The following GNA12 variants were observed in gnomAD, a reference collection of about 807,000 sequenced individuals.
GNA12 encodes G protein subunit alpha 12.
Under a neutral mutation model 26.0 loss-of-function variants are expected in GNA12, and 9 were observed. The ratio of observed to expected loss-of-function variants is 0.35; its 90% CI spans 0.21 to 0.60. GNA12 has a LOEUF of 0.60. GNA12 is among the 20% of genes least tolerant of loss of function. The pLI, the probability that GNA12 is intolerant of heterozygous loss-of-function variation, is 0.78. For synonymous variants in GNA12, 264 were observed against 219.6 expected, an observed-to-expected ratio of 1.20 and a Z score of -1.79; for missense variants, 405 against 525.8, an observed-to-expected ratio of 0.77 and a Z score of 2.25.
intron 1 of GNA12, among the ~76,000 whole-genome samples, chr7:2,832,233 C>T (rs1472699432): frequency 6.6e-6 from 1 of 152,224 alleles, no homozygotes; most frequent in African/African-American, 2.4e-5. Flanking sequence ...TGTTCCGGCT[C>T]ATGCCCTGTC....
chr7:2,798,617 A>G (rs1489775703), intron 1 of GNA12, among the ~76,000 whole-genome samples: 1 of 152,288 alleles, frequency 6.6e-6, no homozygotes, highest in African/African-American at 2.4e-5. Flanking sequence ...CACAATTTCC[A>G]TAAAATCCCA....
chr7:2,786,482 C>A (rs545660943), intron 2 of GNA12, among the ~76,000 whole-genome samples: 18 of 152,156 alleles, frequency 1.2e-4, no homozygotes, highest in Non-Finnish European at 2.5e-4. Context: ...TGAAAAGAAC[C>A]AATGATTATG....
chr7:2,766,670 G>C (rs914496871), intron 2 of GNA12, among the ~76,000 whole-genome samples: 1 of 152,168 alleles, frequency 6.6e-6, no homozygotes, highest in African/African-American at 2.4e-5. Flanking sequence ...ACAGGTGTGA[G>C]CCACCGCACC....
intron 2 of GNA12, among the ~76,000 whole-genome samples, chr7:2,788,839 G>T (rs1436673913): frequency 1.3e-5 from 2 of 152,012 alleles, no homozygotes; most frequent in African/African-American, 4.8e-5. Context: ...TTCTGACAGG[G>T]TCTTGTTGCA....
chr7:2,749,403 T>C (rs1318398440), intron 2 of GNA12, among the ~76,000 whole-genome samples: 1 of 151,524 alleles, frequency 6.6e-6, no homozygotes, highest in Non-Finnish European at 1.5e-5. Flanking sequence ...CAGCAAACTA[T>C]TGCAAGGACA....
intron 2 of GNA12, among the ~76,000 whole-genome samples, chr7:2,755,789 T>C (rs1791265203): frequency 6.6e-6 from 1 of 152,252 alleles, no homozygotes; most frequent in Non-Finnish European, 1.5e-5. Flanking sequence ...AAAATTTCTT[T>C]ACTGAAAACT....
At chr7:2,774,497 G>A (rs543999727) in intron 2 of GNA12, among the ~76,000 whole-genome samples, 5 of 152,322 alleles carry the variant, frequency 3.3e-5, no homozygotes, top group African/African-American at 1.2e-4. Flanking sequence ...GGGAGGCCCT[G>A]AGTGTGCAGG....
intron 1 of GNA12, among the ~76,000 whole-genome samples, chr7:2,795,553 A>G (rs1792643170): frequency 6.6e-6 from 1 of 151,514 alleles, no homozygotes; most frequent in South Asian, 2.1e-4. Context: ...GCTTGAGCCC[A>G]GGAGGTCAAG....
At chr7:2,785,801 C>T (rs1305199900) in intron 2 of GNA12, among the ~76,000 whole-genome samples, 1 of 152,158 alleles carries the variant, frequency 6.6e-6, no homozygotes, top group Admixed American at 6.5e-5. Context: ...AATCCCAGCA[C>T]TTTGGGAGAC....
At chr7:2,759,274 C>T (rs1275249070) in intron 2 of GNA12, among the ~76,000 whole-genome samples, 3 of 152,136 alleles carry the variant, frequency 2.0e-5, no homozygotes, top group African/African-American at 7.2e-5. Flanking sequence ...TCCTTATTTA[C>T]ATGAAGTTAA....
intron 2 of GNA12, among the ~76,000 whole-genome samples, chr7:2,738,400 T>G (rs1050798776): frequency 6.6e-6 from 1 of 152,134 alleles, no homozygotes; most frequent in Admixed American, 6.5e-5. Flanking sequence ...AACTGTGATC[T>G]CCACGCAGTC....
At chr7:2,805,797 T>G (rs1297584691) in intron 1 of GNA12, among the ~76,000 whole-genome samples, 1 of 152,236 alleles carries the variant, frequency 6.6e-6, no homozygotes, top group Non-Finnish European at 1.5e-5. Flanking sequence ...TTGAGTCTAA[T>G]ATCTCCAGAC....
chr7:2,762,007 C>T (rs1265390491), intron 2 of GNA12, among the ~76,000 whole-genome samples: 1 of 152,252 alleles, frequency 6.6e-6, no homozygotes, highest in Non-Finnish European at 1.5e-5. Context: ...GGCCTCCCAG[C>T]ACTCACACAG....
chr7:2,832,928 A>G (rs747321218), intron 1 of GNA12, among the ~76,000 whole-genome samples: 19 of 152,206 alleles, frequency 1.2e-4, no homozygotes, highest in Non-Finnish European at 2.1e-4. Flanking sequence ...GCATTTGGTC[A>G]ACAGAATCAA....
intron 2 of GNA12, among the ~76,000 whole-genome samples, chr7:2,765,624 TTTC>T (rs1309454208): frequency 1.4e-4 from 21 of 151,560 alleles, no homozygotes; most frequent in Admixed American, 2.6e-4. Context: ...TGTTTTTTTT[TTTC>T]TTCTTTTTAT....
intron 2 of GNA12, among the ~76,000 whole-genome samples, chr7:2,776,501 G>T (rs774386066): frequency 6.6e-6 from 1 of 152,206 alleles, no homozygotes; most frequent in Non-Finnish European, 1.5e-5. Flanking sequence ...CAGGGGCGAT[G>T]AAAGCATGAA....
intron 1 of GNA12, among the ~76,000 whole-genome samples, chr7:2,828,400 C>T (rs889165475): frequency 3.9e-5 from 6 of 152,172 alleles, no homozygotes; most frequent in African/African-American, 1.4e-4. Context: ...ACAGCCCGGG[C>T]TGGAGTGAAG....
At chr7:2,802,049 G>A (rs1348802398) in intron 1 of GNA12, among the ~76,000 whole-genome samples, 1 of 151,982 alleles carries the variant, frequency 6.6e-6, no homozygotes, top group Non-Finnish European at 1.5e-5. Context: ...TCCAATGAAA[G>A]ACCAATTTTC....
chr7:2,766,969 T>C (rs78296035), intron 2 of GNA12, among the ~76,000 whole-genome samples: 3,621 of 152,312 alleles, frequency 0.024, 104 homozygotes, highest in Middle Eastern at 0.078. Context: ...GATTTTGATT[T>C]GCATTTCTCT....
Sources: gnomAD v4.1 joint callset for allele counts (sites outside exome capture counted in the v4.1 genomes callset) on GRCh38, gnomAD v4.1.1 for gene constraint, MANE v1.5 for transcripts, NCBI Gene and HGNC (gene_info 2026-07-23, HGNC 2026-07-21) for gene names.